Variants in BLZF1 observed in about 807,000 individuals in gnomAD.
The protein encoded by BLZF1 is golgin-45.
A neutral mutation model predicts 43.8 loss-of-function variants in BLZF1; 39 were observed. That is an observed-to-expected ratio of 0.89 (90% CI 0.69 to 1.16). The LOEUF is 1.16. Among genes scored for constraint, BLZF1 ranks in the 50% most tolerant of loss-of-function variants. The probability of loss-of-function intolerance (pLI) is 0.00; values close to 1 mark genes in which losing one functional copy is unlikely to be tolerated. For synonymous variants in BLZF1, 136 were observed against 159.4 expected, an observed-to-expected ratio of 0.85 and a Z score of 1.11; for missense variants, 449 against 469.8, an observed-to-expected ratio of 0.96 and a Z score of 0.41.
chr1:169,378,597 C>G, intron 4 of BLZF1, 68 bp downstream of exon 4: 1 of 1,464,630 alleles, frequency 6.8e-7, no homozygotes, highest in Non-Finnish European at 9.5e-7. Context: ...ATCTATAACA[C>G]AAGAAAGTAG....
intron 2 of BLZF1, among the ~76,000 whole-genome samples, chr1:169,373,285 T>C (rs1047676078): frequency 2.0e-5 from 3 of 152,170 alleles, no homozygotes; most frequent in African/African-American, 7.2e-5. Flanking sequence ...AATTTAAGGA[T>C]TGTTTTGTTG....
chr1:169,370,147 G>C (rs1654062551), intron 2 of BLZF1, among the ~76,000 whole-genome samples: 1 of 152,100 alleles, frequency 6.6e-6, no homozygotes, highest in African/African-American at 2.4e-5. Context: ...TATTCACATG[G>C]CATTCTCCCT....
At chr1:169,373,642 A>T (rs1212221738) in intron 2 of BLZF1, among the ~76,000 whole-genome samples, 2 of 152,218 alleles carry the variant, frequency 1.3e-5, no homozygotes, top group East Asian at 3.8e-4. Flanking sequence ...GAGTAAGTAG[A>T]ACAGTTTAAA....
intron 2 of BLZF1, among the ~76,000 whole-genome samples, chr1:169,375,730 T>TA (rs1288796481): frequency 7.3e-5 from 11 of 151,624 alleles, no homozygotes; most frequent in Admixed American, 3.3e-4. Context: ...TAACCATTGT[T>TA]ACTGATCTGT....
Position 169,382,053 on chromosome 1 carries a change from T to C in BLZF1, c.798-9T>C, listed in dbSNP as rs367863339. 5.6e-6 allele frequency: 9 copies of C among 1,610,110 alleles called. No individual in the cohort carries two copies. Among genetic ancestry groups the C allele is most frequent in the Non-Finnish European group, 7.6e-6 (9 of 1,177,246 alleles). ...TACTATGTCCGGTGTTCATGTGTGT[T>C]CTATGCAGATTATTGGAGGAGCTCT... is the stretch of plus-strand genomic sequence containing the variant. On this transcript the variant is annotated splice_polypyrimidine_tract_variant and intron_variant, in intron 5 of 6. Coordinates refer to ENST00000367808, the MANE Select transcript of BLZF1 (RefSeq NM_001320973.2).
rs1470862746 is a variant in BLZF1 at position 169,376,814 on chromosome 1, T to C, written c.303T>C (p.Ser101=). The C allele has an allele frequency of 1.9e-6, 3 of 1,613,376 alleles. No individual in the cohort carries two copies. The highest frequency in any genetic ancestry group is 2.5e-6 in the Non-Finnish European group (3 of 1,179,572). ...DIPNKNTKVK[S]LGHHKGEFLG... is the part of the protein sequence containing the mutation. ...CCAACAAAAATACAAAGGTTAAGTC[T>C]CTGGGACATCATAAAGGAGAATTCC... The change falls in exon 3 of 7, where the codon TCT becomes TCC. Residue 101 remains serine (S), a synonymous_variant. Transcript: ENST00000367808.
downstream of BLZF1, among the ~76,000 whole-genome samples, chr1:169,391,489 C>G (rs113309311): frequency 1.3e-5 from 2 of 152,174 alleles, no homozygotes; most frequent in African/African-American, 4.8e-5. Flanking sequence ...CCAGACCAAA[C>G]TGAGGTTTGG....
chr1:169,391,063 CAG>C (rs1654802431), downstream of BLZF1, among the ~76,000 whole-genome samples: 2 of 152,124 alleles, frequency 1.3e-5, no homozygotes, highest in African/African-American at 4.8e-5. Context: ...AGGAGTAAGA[CAG>C]ATAAACAAGT....
At chr1:169,385,703 A>T (rs1007508285) in intron 6 of BLZF1, among the ~76,000 whole-genome samples, 1 of 152,242 alleles carries the variant, frequency 6.6e-6, no homozygotes, top group Non-Finnish European at 1.5e-5. Context: ...ACTAAATTGA[A>T]AAAGCAGTCT....
At chr1:169,386,873 T>C in intron 6 of BLZF1, 124 bp from the exon 7 acceptor site, 2 of 633,898 alleles carry the variant, frequency 3.2e-6, no homozygotes, top group East Asian at 6.1e-5. Flanking sequence ...TTAGTCATTC[T>C]GTTTTTTTAG....
intron 1 of BLZF1, 30 bp from the exon 2 acceptor site, chr1:169,369,443 T>A (rs1423767805): frequency 2.3e-5 from 28 of 1,222,952 alleles, no homozygotes; most frequent in Admixed American, 4.4e-5. Context: ...ATGATATTTT[T>A]AAAATTATTT....
intron 7 of BLZF1, chr1:169,395,084 T>C: frequency 6.2e-7 from 1 of 1,609,298 alleles, no homozygotes; most frequent in Non-Finnish European, 8.5e-7. Flanking sequence ...AGGTTTGGCT[T>C]CTGACATATA....
chr1:169,369,576 T>C (rs760083682), intron 2 of BLZF1, 26 bp downstream of exon 2: 2 of 1,550,618 alleles, frequency 1.3e-6, no homozygotes, highest in South Asian at 1.1e-5. Flanking sequence ...ATAATTGTTT[T>C]TAAAACATGA....
intron 2 of BLZF1, among the ~76,000 whole-genome samples, chr1:169,374,542 A>G (rs1044881533): frequency 6.6e-6 from 1 of 152,160 alleles, no homozygotes; most frequent in Non-Finnish European, 1.5e-5. Context: ...ATTTTATTCT[A>G]ATGTAAAATG....
chr1:169,382,661 G>T (rs1654559637), intron 6 of BLZF1, among the ~76,000 whole-genome samples: 1 of 152,130 alleles, frequency 6.6e-6, no homozygotes, highest in South Asian at 2.1e-4. Context: ...TCCACATATA[G>T]ATGGAAATGT....
chr1:169,394,671 G>T (rs528913250), intron 7 of BLZF1, among the ~76,000 whole-genome samples: 1 of 152,224 alleles, frequency 6.6e-6, no homozygotes, highest in East Asian at 1.9e-4. Flanking sequence ...CTTGAACCAG[G>T]CTTGTTTAAG....
rs1239998676 is a variant in BLZF1, at chr1:169,378,418, A to G, written c.557A>G (p.Gln186Arg). The part of the protein sequence containing the change: ...HFERLAREKN[Q>R]LILENEALGR... ...GAACGTCTAGCCCGTGAGAAAAATC[A>G]GCTTATTTTAGAAAATGAAGCCCTA... Residue 186 changes from glutamine (Q) to arginine (R), a missense_variant, in exon 4 of 7, where the codon CAG (glutamine) becomes CGG (arginine). By Grantham distance (43) the Gln-to-Arg change is conservative (BLOSUM62 1). Transcript: ENST00000367808. The G allele has an allele frequency of 1.2e-6, 2 of 1,613,082 alleles. No individual in the cohort carries two copies.
intron 1 of BLZF1, among the ~76,000 whole-genome samples, chr1:169,368,555 C>G (rs966506570): frequency 6.6e-6 from 1 of 152,272 alleles, no homozygotes; most frequent in South Asian, 2.1e-4. Flanking sequence ...TGCTCACTCC[C>G]CCTACTTACT....
chr1:169,382,095 G>A lies in BLZF1; in HGVS notation c.831G>A (p.Trp277Ter), dbSNP rs200364171. 6.2e-7 allele frequency: 1 copy of A among 1,613,638 alleles called. No individual in the cohort carries two copies. The highest frequency in any genetic ancestry group is 8.5e-7 in the Non-Finnish European group (1 of 1,179,660). Residue 277 changes from tryptophan (W) to a stop codon, truncating the protein, a stop_gained, in exon 6 of 7, where the codon TGG becomes TGA. Coordinates refer to ENST00000367808, the MANE Select transcript of BLZF1 (RefSeq NM_001320973.2). LOFTEE classifies it high-confidence loss of function. ...AGGAGCTCTTAGTTTCCTTGCAATGGGGAAGAGAGCAAACTTACTCCCCTA... is the reference window on the plus strand; with the variant it reads ...AGGAGCTCTTAGTTTCCTTGCAATGAGGAAGAGAGCAAACTTACTCCCCTA... ...LLEELLVSLQ[W>*]GREQTYSPSV...
Sources: allele counts gnomAD v4.1 joint callset (sites outside exome capture counted in the v4.1 genomes callset), GRCh38; gene constraint gnomAD v4.1.1; transcripts MANE v1.5; gene names NCBI Gene and HGNC (gene_info 2026-07-23, HGNC 2026-07-21).